The following ZDHHC16 variants were observed in gnomAD, a reference collection of about 807,000 sequenced individuals.
The protein encoded by ZDHHC16 is zDHHC palmitoyltransferase 16.
A neutral mutation model predicts 54.4 loss-of-function variants in ZDHHC16; 33 were observed. The ratio of observed to expected loss-of-function variants is 0.61; its 90% confidence interval spans 0.46 to 0.81. The LOEUF (loss-of-function observed/expected upper bound fraction) is 0.81. Ranked by LOEUF, ZDHHC16 falls within the 30% of genes least tolerant of loss-of-function variation. The probability of loss-of-function intolerance (pLI) is 0.00; values close to 1 mark genes in which losing one functional copy is unlikely to be tolerated. For synonymous variants in ZDHHC16, 185 were observed against 182.1 expected (o/e 1.02, Z -0.13); for missense variants, 420 against 485.9 (o/e 0.86, Z 1.28).
In ZDHHC16 at chr10:97,452,159, C is replaced by T; in HGVS notation, c.313C>T (p.Leu105Phe). The T allele has an allele frequency of 6.2e-7, 1 of 1,614,108 alleles. No individual in the cohort carries two copies. The highest frequency in any genetic ancestry group is 8.5e-7 in the Non-Finnish European group (1 of 1,180,024). ...VAIAYLCVLP[L>F]ILRTYSVPRL... ...TATCGCCTACCTGTGTGTCCTGCCT[C>T]TCATCCTCCGAACCTACTCAGTGCC... Residue 105 changes from leucine (L) to phenylalanine (F), a missense_variant, in exon 4 of 12, where the codon CTC (leucine) becomes TTC (phenylalanine). Transcript: ENST00000393760.
Position 97,452,265 on chromosome 10 carries a change from C to T in ZDHHC16, c.419C>T (p.Pro140Leu), listed in dbSNP as rs529320386. 4.3e-5 allele frequency: 69 copies of T among 1,614,142 alleles called. No individual in the cohort carries two copies. The highest frequency in any genetic ancestry group is 3.4e-4 in the South Asian group (31 of 91,088). ...VFHYYQAITT[P>L]PGYPPQGRND... The stretch of plus-strand genomic sequence containing the variant: ...CACTACTACCAGGCCATCACCACTC[C>T]GCCTGGGTACCCACCCCAGGTGGGT... Residue 140 changes from proline to leucine, a missense_variant, in exon 4 of 12, where the codon CCG (proline) becomes CTG (leucine). Physicochemically the swap from Pro to Leu is moderately conservative, Grantham distance 98. Coordinates refer to ENST00000393760, the MANE Select transcript of ZDHHC16 (RefSeq NM_198046.3).
At chr10:97,447,056 T>C (rs914422793) in intron 1 of ZDHHC16, among the ~76,000 whole-genome samples, 1 of 152,206 alleles carries the variant, frequency 6.6e-6, no homozygotes, top group Non-Finnish European at 1.5e-5. Context: ...GGTCCGATCC[T>C]CTTCGCGGCC....
chr10:97,456,065 TA>T (rs1847153801), intron 11 of ZDHHC16, 21 bp downstream of exon 11: 1 of 1,611,906 alleles, frequency 6.2e-7, no homozygotes, highest in South Asian at 1.1e-5. Flanking sequence ...ACACACAGAC[TA>T]ATGCTGTCCA....
intron 8 of ZDHHC16, 102 bp downstream of exon 8, chr10:97,453,948 C>G: frequency 2.0e-6 from 3 of 1,492,412 alleles, no homozygotes; most frequent in South Asian, 1.2e-5. Context: ...TAGAGGCTGC[C>G]GAGAGGCCAC....
intron 1 of ZDHHC16, chr10:97,448,311 T>C (rs1846292665): frequency 6.6e-6 from 1 of 152,238 alleles, no homozygotes; most frequent in African/African-American, 2.4e-5. Flanking sequence ...CTCCAGGTCA[T>C]TCATTCAACA....
At chr10:97,454,573 T>C in intron 8 of ZDHHC16, 141 bp from the exon 9 acceptor site, 6 of 740,736 alleles carry the variant, frequency 8.1e-6, no homozygotes, top group South Asian at 6.8e-5. Context: ...TCCACCCATC[T>C]TGGCTGCTAC....
chr10:97,446,412 C>G (rs1589478888), intron 1 of ZDHHC16, 59 bp downstream of exon 1: 26 of 276,806 alleles, frequency 9.4e-5, no homozygotes, highest in South Asian at 9.1e-4. Context: ...GGGTAGGGCA[C>G]TGCCCTGGGG....
chr10:97,456,497 A>G (rs952032384), intron 11 of ZDHHC16: 1 of 324,378 alleles, frequency 3.1e-6, no homozygotes, highest in Non-Finnish European at 5.7e-6. Flanking sequence ...TCAGATGAAC[A>G]GACGTGCCTT....
In ZDHHC16 at chr10:97,453,680, C is replaced by G. The variant is rs1213814372; in HGVS notation, c.690+17C>G. ...GCCATTGAGGTGAGCTCATCAGGAACAGGGCAGCTCAGTAGTGCAGAACTT... is the reference window on the plus strand; with the variant it reads ...GCCATTGAGGTGAGCTCATCAGGAAGAGGGCAGCTCAGTAGTGCAGAACTT... On this transcript the variant is annotated intron_variant, in intron 7 of 11. Coordinates refer to ENST00000393760, the MANE Select transcript of ZDHHC16 (RefSeq NM_198046.3). The G allele has an allele frequency of 6.2e-7, 1 of 1,614,038 alleles. No individual in the cohort carries two copies. The highest frequency in any genetic ancestry group is 8.5e-7 in the Non-Finnish European group (1 of 1,180,020).
intron 1 of ZDHHC16, among the ~76,000 whole-genome samples, chr10:97,450,113 C>T (rs1846482934): frequency 6.6e-6 from 1 of 151,680 alleles, no homozygotes; most frequent in Non-Finnish European, 1.5e-5. Context: ...CCTCATGATC[C>T]ACCCGCCTCG....
chr10:97,454,149 A>G (rs965074919), intron 8 of ZDHHC16, among the ~76,000 whole-genome samples: 1 of 152,168 alleles, frequency 6.6e-6, no homozygotes, highest in African/African-American at 2.4e-5. Flanking sequence ...AGTCTGTGTA[A>G]TGGGGTTCCA....
chr10:97,446,236 C>T lies in ZDHHC16; in HGVS notation c.-303C>T. The T allele has an allele frequency of 3.3e-6, 2 of 604,260 alleles. No homozygotes were observed. Among genetic ancestry groups the T allele is most frequent in the Non-Finnish European group, 5.8e-6 (2 of 342,930 alleles). 37.4% of individuals were successfully genotyped at this position (604,260 alleles called of 1,614,324 possible). A position where few individuals can be genotyped will look rare whatever the true frequency, so the allele number is the denominator to read the frequency against. On this transcript the variant is annotated 5_prime_UTR_variant, in exon 1 of 12. Transcript: ENST00000393760. ...CTGCCTGGCGCTGCGGGCGGCGGGCCATGGTGGTTTGGATTGAGCCGGGCC... is the reference window on the plus strand; with the variant it reads ...CTGCCTGGCGCTGCGGGCGGCGGGCTATGGTGGTTTGGATTGAGCCGGGCC...
chr10:97,446,416 C>T (rs1186896745), intron 1 of ZDHHC16, 63 bp downstream of exon 1: 1 of 242,836 alleles, frequency 4.1e-6, no homozygotes, highest in African/African-American at 2.4e-5. Flanking sequence ...AGGGCACTGC[C>T]CTGGGGCCTT....
chr10:97,456,745 G>C (rs1217909792), intron 11 of ZDHHC16, 32 bp from the exon 12 acceptor site: 1 of 1,515,460 alleles, frequency 6.6e-7, no homozygotes, highest in Non-Finnish European at 9.0e-7. Context: ...AAGAATTCTT[G>C]AACTCAGAGA....
At chr10:97,452,050 C>G (rs758134833) in intron 3 of ZDHHC16, 40 bp from the exon 4 acceptor site, 8 of 1,612,982 alleles carry the variant, frequency 5.0e-6, no homozygotes, top group East Asian at 2.2e-5. Flanking sequence ...TTGGGCATAG[C>G]TCTTGCGCCA....
rs751838901 is a variant in ZDHHC16 at position 97,451,846 on chromosome 10, T to G, written c.171T>G (p.Ser57Arg). Reference sequence around the variant, plus strand: ...TGCTCTACAACTCCTTTGGGGGCAGTGACACCGCTGTTGATGCTGCCTTTG... The same window carrying G: ...TGCTCTACAACTCCTTTGGGGGCAGGGACACCGCTGTTGATGCTGCCTTTG... Reference protein sequence around the residue: ...RSLLYNSFGGSDTAVDAAFEP... With the variant: ...RSLLYNSFGGRDTAVDAAFEP... The change falls in exon 3 of 12, where the codon AGT becomes AGG. Residue 57 changes from serine to arginine, a missense_variant. Physicochemically the swap from Ser to Arg is moderately radical, Grantham distance 110. Transcript: ENST00000393760. The G allele has an allele frequency of 2.5e-6, 4 of 1,614,204 alleles. No individual in the cohort carries two copies. The highest frequency in any genetic ancestry group is 3.4e-6 in the Non-Finnish European group (4 of 1,180,036).
At position 97,453,669 on chromosome 10, in the gene ZDHHC16, C is replaced by T. The variant is rs1211522484; in HGVS notation, c.690+6C>T. On this transcript the variant is annotated splice_donor_region_variant and intron_variant, in intron 7 of 11. Coordinates refer to ENST00000393760, the MANE Select transcript of ZDHHC16 (RefSeq NM_198046.3). Reference sequence around the variant, plus strand: ...AGGCTTATGCTGCCATTGAGGTGAGCTCATCAGGAACAGGGCAGCTCAGTA... The same window carrying T: ...AGGCTTATGCTGCCATTGAGGTGAGTTCATCAGGAACAGGGCAGCTCAGTA... 1.9e-6 allele frequency: 3 copies of T among 1,614,058 alleles called. No homozygotes were observed. Among genetic ancestry groups the T allele is most frequent in the Non-Finnish European group, 2.5e-6 (3 of 1,180,032 alleles).
chr10:97,449,772 C>T (rs570782962), intron 1 of ZDHHC16, among the ~76,000 whole-genome samples: 10 of 152,168 alleles, frequency 6.6e-5, no homozygotes, highest in African/African-American at 2.2e-4. Context: ...TCAAGTGATC[C>T]GCCTGCCTCG....
At chr10:97,450,839 C>G (rs554085462) in intron 2 of ZDHHC16, 1 of 144,288 alleles carries the variant, frequency 6.9e-6, no homozygotes, top group South Asian at 2.2e-4. Context: ...GGTCAGGACC[C>G]GAGGCCTTCA....
Sources: gnomAD v4.1 joint callset for allele counts (sites outside exome capture counted in the v4.1 genomes callset) on GRCh38, gnomAD v4.1.1 for gene constraint, MANE v1.5 for transcripts, NCBI Gene and HGNC (gene_info 2026-07-23, HGNC 2026-07-21) for gene names.